Variants in OLA1 observed in about 807,000 individuals in gnomAD.
OLA1 encodes the protein Obg like ATPase 1, also known as obg-like ATPase 1.
In OLA1, 14 loss-of-function variants were observed where a neutral mutation model predicts 48.4. That is an observed-to-expected ratio of 0.29 (90% CI 0.19 to 0.45). The LOEUF is 0.45. OLA1 is among the 20% of genes least tolerant of loss of function. The pLI is 1.00. For missense variants in OLA1, 325 were observed against 467.1 expected (o/e 0.70, Z 2.80); for synonymous variants, 127 against 150.4 (o/e 0.84, Z 1.14).
At chr2:174,189,678 A>G (rs1687732415) in intron 4 of OLA1, among the ~76,000 whole-genome samples, 1 of 152,192 alleles carries the variant, frequency 6.6e-6, no homozygotes. Flanking sequence ...CACTGTTGGT[A>G]GCAGTACAAA....
intron 4 of OLA1, among the ~76,000 whole-genome samples, chr2:174,214,535 T>C (rs1393946261): frequency 1.3e-5 from 2 of 152,062 alleles, no homozygotes; most frequent in African/African-American, 2.4e-5. Context: ...TAAAAACTTC[T>C]CCTTGAAGTA....
chr2:174,141,216 G>A (rs1277048813), intron 5 of OLA1, among the ~76,000 whole-genome samples: 2 of 152,304 alleles, frequency 1.3e-5, no homozygotes, highest in East Asian at 3.9e-4. Flanking sequence ...ATAGGCGTGA[G>A]CCACCACGCC....
intron 5 of OLA1, among the ~76,000 whole-genome samples, chr2:174,131,885 G>A (rs1413425171): frequency 6.6e-6 from 1 of 151,968 alleles, no homozygotes; most frequent in Non-Finnish European, 1.5e-5. Context: ...TACATTGTAA[G>A]ATTTTGGTAT....
chr2:174,162,863 G>C (rs1189298674), intron 4 of OLA1, among the ~76,000 whole-genome samples: 4 of 151,996 alleles, frequency 2.6e-5, no homozygotes, highest in Admixed American at 2.6e-4. Context: ...GGGCAATGTG[G>C]CGAAACTCCT....
At chr2:174,112,975 T>C (rs759767039) in intron 7 of OLA1, among the ~76,000 whole-genome samples, 5 of 152,140 alleles carry the variant, frequency 3.3e-5, no homozygotes, top group Non-Finnish European at 5.9e-5. Context: ...AGATTCACTC[T>C]TGTTGCCCAG....
intron 7 of OLA1, among the ~76,000 whole-genome samples, chr2:174,103,242 C>CAT (rs1685438951): frequency 6.6e-6 from 1 of 152,046 alleles, no homozygotes; most frequent in African/African-American, 2.4e-5. Flanking sequence ...AATCACTGCA[C>CAT]ATATTTTTGT....
rs1685095863 is a variant in OLA1 at position 174,090,737 on chromosome 2, C to T, written c.729-8673G>A. On this transcript the variant is annotated intron_variant, in intron 7 of 10. Transcript: ENST00000284719. The stretch of plus-strand genomic sequence containing the variant: ...ATCATAGGAACACTTAATTAACCAA[C>T]CCAGGAGACAAACTACCTCGGGTCT... 2.0e-5 allele frequency among the ~76,000 whole-genome samples: 3 copies of T among 152,278 alleles called. No homozygotes were observed. In the South Asian group the frequency reaches 6.2e-4, roughly 32 times the overall value.
intron 4 of OLA1, among the ~76,000 whole-genome samples, chr2:174,180,148 G>A (rs1174974872): frequency 6.6e-6 from 1 of 151,994 alleles, no homozygotes; most frequent in African/African-American, 2.4e-5. Flanking sequence ...AACATTAGCA[G>A]AAACATTTTT....
intron 5 of OLA1, among the ~76,000 whole-genome samples, chr2:174,140,512 C>T (rs981288835): frequency 1.3e-5 from 2 of 151,966 alleles, no homozygotes; most frequent in South Asian, 2.1e-4. Flanking sequence ...AGATTACAGG[C>T]GTGCACCACC....
chr2:174,134,787 G>T (rs1049322646), intron 5 of OLA1, among the ~76,000 whole-genome samples: 13 of 152,162 alleles, frequency 8.5e-5, no homozygotes, highest in African/African-American at 3.1e-4. Context: ...TTTATGTTAT[G>T]TATAGTTTAC....
intron 10 of OLA1, among the ~76,000 whole-genome samples, chr2:174,076,467 G>A (rs1684740771): frequency 6.6e-6 from 1 of 152,072 alleles, no homozygotes; most frequent in Non-Finnish European, 1.5e-5. Context: ...GTATTGAGAA[G>A]AAACCTTTGC....
At chr2:174,164,378 C>CCATTCTGCATAGTGCAGAATGGATAT (rs1687112169) in intron 4 of OLA1, among the ~76,000 whole-genome samples, 4 of 151,950 alleles carry the variant, frequency 2.6e-5, no homozygotes, top group Non-Finnish European at 4.4e-5. Flanking sequence ...AGAATGGATA[C>CCATTCTGCATAGTGCAGAATGGATAT]CATTCTGTTT....
chr2:174,172,720 T>G (rs1246287069), intron 4 of OLA1: 2 of 154,234 alleles, frequency 1.3e-5, no homozygotes, highest in Non-Finnish European at 2.9e-5. Flanking sequence ...CAAGTACCAG[T>G]GCAGACACCT....
chr2:174,217,475 C>T (rs1365978082), intron 4 of OLA1, among the ~76,000 whole-genome samples: 3 of 152,204 alleles, frequency 2.0e-5, no homozygotes, highest in Middle Eastern at 3.4e-3. Flanking sequence ...ACAAGCAAAG[C>T]TCCCCTAAAA....
At chr2:174,185,058 T>C (rs1687623422) in intron 4 of OLA1, among the ~76,000 whole-genome samples, 1 of 152,190 alleles carries the variant, frequency 6.6e-6, no homozygotes, top group African/African-American at 2.4e-5. Flanking sequence ...ATGGTCCAGC[T>C]TGGTGGAGCA....
At chr2:174,168,054 G>A (rs1327273595) in intron 4 of OLA1, among the ~76,000 whole-genome samples, 2 of 152,148 alleles carry the variant, frequency 1.3e-5, no homozygotes, top group South Asian at 2.1e-4. Flanking sequence ...CTCAAAGAAG[G>A]GGAATTATAT....
chr2:174,246,616 C>G, intron 2 of OLA1, 99 bp downstream of exon 2: 1 of 784,504 alleles, frequency 1.3e-6, no homozygotes, highest in Non-Finnish European at 2.2e-6. Flanking sequence ...GGCCTCTTTT[C>G]TTCAACTTAA....
chr2:174,188,732 A>G (rs929664106), intron 4 of OLA1, among the ~76,000 whole-genome samples: 2 of 152,210 alleles, frequency 1.3e-5, no homozygotes, highest in Admixed American at 1.3e-4. Context: ...TTTGACATAT[A>G]CAAACTTTTG....
At chr2:174,181,248 C>A (rs773931831) in intron 4 of OLA1, among the ~76,000 whole-genome samples, 2 of 152,064 alleles carry the variant, frequency 1.3e-5, no homozygotes, top group African/African-American at 2.4e-5. Flanking sequence ...CTTTTGGGAG[C>A]AAAACTTCAC....
Sources: gnomAD v4.1 joint callset for allele counts (sites outside exome capture counted in the v4.1 genomes callset) on GRCh38, gnomAD v4.1.1 for gene constraint, MANE v1.5 for transcripts, NCBI Gene and HGNC (gene_info 2026-07-23, HGNC 2026-07-21) for gene names.